Variants in ASMTL observed in about 807,000 individuals in gnomAD.
ASMTL encodes probable bifunctional dTTP/UTP pyrophosphatase/methyltransferase protein.
ASMTL carries 57 observed loss-of-function variants against 60.3 expected under a neutral mutation model. The ratio of observed to expected loss-of-function variants is 0.95; its 90% CI spans 0.76 to 1.18. The LOEUF is 1.18. ASMTL is among the 50% of genes most tolerant of loss of function. ASMTL has a pLI of 0.00. For missense variants in ASMTL, 981 were observed against 852.6 expected, an observed-to-expected ratio of 1.15 and a Z score of -1.88; for synonymous variants, 419 against 373.0, an observed-to-expected ratio of 1.12 and a Z score of -1.42.
At chrX:1,419,982 TTCTC>T (rs1218501197) in intron 9 of ASMTL, among the ~76,000 whole-genome samples, 15 of 151,610 alleles carry the variant, frequency 9.9e-5, no homozygotes, top group East Asian at 3.9e-4. Flanking sequence ...GTCTTCCTCT[TTCTC>T]TCTCTCTGTT....
At position 1,452,890 on chromosome X, in the gene ASMTL, CG is replaced by C; in HGVS notation, c.-51del. The C allele has an allele frequency of 7.2e-7, 1 of 1,389,878 alleles. No homozygotes were observed. The allele number at this position is 1,389,878 out of a possible 1,614,324, so 86.1% of individuals were successfully genotyped here. A position where few individuals can be genotyped will look rare whatever the true frequency, so the allele number is the denominator to read the frequency against. Reference sequence around the variant, plus strand: ...TCCGCACTTCTGAGCCCGGAGCCCGCGGTGCGCGCAGCGCGGCTGCAAAAAA... The same window carrying C: ...TCCGCACTTCTGAGCCCGGAGCCCGCGTGCGCGCAGCGCGGCTGCAAAAAA... On this transcript the variant is annotated 5_prime_UTR_variant, in exon 1 of 13. Transcript: ENST00000381317.
chrX:1,411,496 C>T (rs758916691), intron 12 of ASMTL, among the ~76,000 whole-genome samples: 1 of 152,162 alleles, frequency 6.6e-6, no homozygotes, highest in Non-Finnish European at 1.5e-5. Context: ...TTTCCAGCAG[C>T]CCCACTGGGC....
At chrX:1,436,093 G>A (rs1315060063) in intron 3 of ASMTL, among the ~76,000 whole-genome samples, 6 of 152,136 alleles carry the variant, frequency 3.9e-5, no homozygotes, top group African/African-American at 9.7e-5. Flanking sequence ...ATCCTGCAAC[G>A]TGTGGTCCTC....
intron 12 of ASMTL, among the ~76,000 whole-genome samples, chrX:1,407,155 G>GTAGA (rs1272364808): frequency 6.7e-6 from 1 of 150,022 alleles, no homozygotes; most frequent in Non-Finnish European, 1.5e-5. Flanking sequence ...TGATGGGTAG[G>GTAGA]TAGATAGATG....
intron 1 of ASMTL, among the ~76,000 whole-genome samples, chrX:1,444,501 G>A (rs370412971): frequency 1.1e-4 from 17 of 152,178 alleles, no homozygotes; most frequent in South Asian, 2.1e-4. Flanking sequence ...GAGCCTCTGC[G>A]CCCAGGCTCA....
rs1398380886 is a variant in ASMTL at position 1,440,671 on chromosome X, C to T, written c.225+1515G>A. 1.2e-4 allele frequency among the ~76,000 whole-genome samples: 18 copies of T among 152,180 alleles called. No individual in the cohort carries two copies. The East Asian group carries it at 2.9e-3, about 25-fold the overall frequency. On this transcript the variant is annotated intron_variant, in intron 2 of 12. Coordinates refer to ENST00000381317, the MANE Select transcript of ASMTL (RefSeq NM_004192.4). ...TATTACGGTGGGGTGCGGTGGCTCA[C>T]GCCTGTAATCCCAACACTCCGGGAG...
chrX:1,444,632 G>A (rs1244878631), intron 1 of ASMTL, among the ~76,000 whole-genome samples: 4 of 151,534 alleles, frequency 2.6e-5, no homozygotes, highest in African/African-American at 7.3e-5. Context: ...AGCCTGTCCC[G>A]GGCTAACTCC....
intron 6 of ASMTL, 159 bp downstream of exon 6, chrX:1,432,110 G>C (rs2090807199): frequency 1.6e-6 from 1 of 635,696 alleles, no homozygotes. Context: ...GTGTGGTCGT[G>C]AAGGGTTTGT....
intron 1 of ASMTL, among the ~76,000 whole-genome samples, chrX:1,445,023 C>A (rs759753497): frequency 6.6e-6 from 1 of 152,130 alleles, no homozygotes; most frequent in Non-Finnish European, 1.5e-5. Flanking sequence ...GTCTTCCCTG[C>A]GCGGCTCCAG....
intron 6 of ASMTL, among the ~76,000 whole-genome samples, chrX:1,430,836 TTATA>T (rs2090750898): frequency 6.8e-6 from 1 of 146,216 alleles, no homozygotes; most frequent in Non-Finnish European, 1.5e-5. Flanking sequence ...ACAAATGTAT[TTATA>T]TACATATATT....
At chrX:1,432,421 T>C (rs748817138) in intron 5 of ASMTL, 44 bp from the exon 6 acceptor site, 1 of 1,492,198 alleles carries the variant, frequency 6.7e-7, no homozygotes, top group Non-Finnish European at 9.3e-7. Context: ...CGCCAGCTTG[T>C]CACCTCCGTG....
At chrX:1,423,236 C>T (rs1302577190) in intron 8 of ASMTL, among the ~76,000 whole-genome samples, 1 of 152,064 alleles carries the variant, frequency 6.6e-6, no homozygotes, top group African/African-American at 2.4e-5. Context: ...ACAGGCGTGG[C>T]CTATTCATCA....
chrX:1,433,809 C>G (rs1378451878), intron 5 of ASMTL, among the ~76,000 whole-genome samples: 1 of 152,140 alleles, frequency 6.6e-6, no homozygotes, highest in Non-Finnish European at 1.5e-5. Flanking sequence ...ACCCAGCACC[C>G]TGCGCTGTGC....
chrX:1,420,744 T>C (rs1358678851), intron 9 of ASMTL, among the ~76,000 whole-genome samples: 24 of 152,230 alleles, frequency 1.6e-4, no homozygotes, highest in Non-Finnish European at 5.9e-5. Context: ...GTCAGTTCCA[T>C]TGAAGCAAAG....
intron 12 of ASMTL, chrX:1,403,702 A>G (rs1214869362): frequency 6.2e-5 from 37 of 601,608 alleles, no homozygotes; most frequent in Non-Finnish European, 1.0e-4. Context: ...TGATCGAAAG[A>G]TGGATGGATA....
chrX:1,452,715 C>G (rs780095092), intron 1 of ASMTL, 33 bp downstream of exon 1: 3 of 1,550,066 alleles, frequency 1.9e-6, no homozygotes, highest in African/African-American at 1.4e-5. Flanking sequence ...CCTCCGTCCC[C>G]GGTCCCCTGC....
intron 12 of ASMTL, among the ~76,000 whole-genome samples, chrX:1,407,625 T>C (rs1233558585): frequency 6.6e-6 from 1 of 152,048 alleles, no homozygotes; most frequent in Admixed American, 6.6e-5. Context: ...GGCTCACACC[T>C]GTAATCGCAG....
chrX:1,452,477 T>A (rs1325775508), intron 1 of ASMTL, among the ~76,000 whole-genome samples: 1 of 138,378 alleles, frequency 7.2e-6, no homozygotes, highest in Non-Finnish European at 1.6e-5. Context: ...CGGGTTACGA[T>A]CCCCTCCCCC....
rs1377554464 is a variant in ASMTL, at chrX:1,416,261, G to A, written c.1522+1712C>T. Among the ~76,000 whole-genome samples, 5 of 111,988 alleles carry A rather than the reference G, an allele frequency of 4.5e-5. No homozygotes were observed. In the South Asian group the frequency reaches 8.8e-4, roughly 20 times the overall value. 73.5% of individuals were successfully genotyped at this position (111,988 alleles called of 152,430 possible). ...CAGATGGGCACAGACAGACACGCAC[G>A]GACACACAGATACACCAACAGACAG... On this transcript the variant is annotated intron_variant, in intron 11 of 12. Coordinates refer to ENST00000381317, the MANE Select transcript of ASMTL (RefSeq NM_004192.4).
Sources: gnomAD v4.1 joint callset for allele counts (sites outside exome capture counted in the v4.1 genomes callset) on GRCh38, gnomAD v4.1.1 for gene constraint, MANE v1.5 for transcripts, NCBI Gene and HGNC (gene_info 2026-07-23, HGNC 2026-07-21) for gene names.